ALDH3B1: variants seen among roughly 807,000 people sequenced by gnomAD.
ALDH3B1 encodes the protein aldehyde dehydrogenase family 3 member B1.
In ALDH3B1, 37 loss-of-function variants were observed where a neutral mutation model predicts 46.2. The observed-to-expected ratio is 0.80, with a 90% CI of 0.62 to 1.05. The LOEUF (loss-of-function observed/expected upper bound fraction) is 1.05, where lower values mean the gene tolerates loss of function less well. ALDH3B1 is among the 50% of genes least tolerant of loss of function. ALDH3B1 has a pLI of 0.00. For missense variants in ALDH3B1, 603 were observed against 665.5 expected (o/e 0.91, Z 1.03); for synonymous variants, 283 against 281.0 (o/e 1.01, Z -0.07).
At chr11:68,018,155 C>T (rs898015993) in intron 2 of ALDH3B1, 22 of 218,180 alleles carry the variant, frequency 1.0e-4, no homozygotes, top group Non-Finnish European at 3.7e-5. Flanking sequence ...AAACAGCACA[C>T]ACACACATGC....
At position 68,015,329 on chromosome 11, in the gene ALDH3B1, T is replaced by A; in HGVS notation, c.32T>A (p.Leu11Gln). The change falls in exon 2 of 10, where the codon CTG (leucine) becomes CAG (glutamine). Residue 11 changes from leucine (L) to glutamine (Q), a missense_variant. By Grantham distance (113) the Leu-to-Gln change is moderately radical. Coordinates refer to ENST00000342456, the MANE Select transcript of ALDH3B1 (RefSeq NM_000694.4). ...CCCCTTGGGGACACGCTGCGGCGAC[T>A]GCGGGAGGCCTTCCACGCGGGGCGC... is the stretch of plus-strand genomic sequence containing the variant. MDPLGDTLRR[L>Q]REAFHAGRTR... is the part of the protein sequence containing the mutation. The A allele has an allele frequency of 6.6e-7, 1 of 1,521,496 alleles. No homozygotes were observed. The highest frequency in any genetic ancestry group is 1.2e-5 in the South Asian group (1 of 80,154). The allele number at this position is 1,521,496 out of a possible 1,614,324, so 94.2% of individuals were successfully genotyped here.
chr11:68,012,864 G>A (rs189369412), intron 1 of ALDH3B1, among the ~76,000 whole-genome samples: 1 of 152,298 alleles, frequency 6.6e-6, no homozygotes, highest in Admixed American at 6.5e-5. Flanking sequence ...GAGGAGCTGG[G>A]TGGTATCAGG....
At chr11:68,021,987 G>A (rs1857512855) in intron 7 of ALDH3B1, 116 bp downstream of exon 7, 2 of 1,485,434 alleles carry the variant, frequency 1.3e-6, no homozygotes, top group East Asian at 2.3e-5. Context: ...CACTGCCAGA[G>A]CCCGGCCTTG....
intron 8 of ALDH3B1, among the ~76,000 whole-genome samples, chr11:68,023,156 C>A (rs188899307): frequency 1.1e-3 from 168 of 152,326 alleles, no homozygotes; most frequent in African/African-American, 3.7e-3. Flanking sequence ...GCCCTGATCC[C>A]CTACCCCTGC....
chr11:68,015,845 C>T (rs1857340394), intron 2 of ALDH3B1: 2 of 358,990 alleles, frequency 5.6e-6, no homozygotes, highest in Non-Finnish European at 1.1e-5. Context: ...GTGGGCGGAT[C>T]GCTTGAGGCC....
chr11:68,010,926 G>A (rs983366861), intron 1 of ALDH3B1, among the ~76,000 whole-genome samples: 1 of 152,234 alleles, frequency 6.6e-6, no homozygotes, highest in Non-Finnish European at 1.5e-5. Context: ...CCCGCCTGCA[G>A]GAGGCACTTC....
At chr11:68,011,026 G>A (rs530941042) in intron 1 of ALDH3B1, among the ~76,000 whole-genome samples, 6 of 152,338 alleles carry the variant, frequency 3.9e-5, no homozygotes, top group Admixed American at 3.9e-4. Context: ...ACCAATGAGG[G>A]GATACGCTGG....
chr11:68,019,042 C>A, intron 4 of ALDH3B1, 128 bp from the exon 5 acceptor site: 1 of 1,442,410 alleles, frequency 6.9e-7, no homozygotes. Context: ...GCCCTGGGCC[C>A]GTCATGTTAC....
intron 8 of ALDH3B1, among the ~76,000 whole-genome samples, chr11:68,023,983 A>G: frequency 6.6e-6 from 1 of 152,040 alleles, no homozygotes; most frequent in African/African-American, 2.4e-5. Context: ...AAAAAAAAAA[A>G]AAGTGACAGC....
chr11:68,024,825 C>T (rs550059669), intron 8 of ALDH3B1: 15 of 152,260 alleles, frequency 9.9e-5, no homozygotes, highest in Admixed American at 3.9e-4. Context: ...TCACTACGGA[C>T]TCAGGTATAT....
chr11:68,022,359 G>A (rs1030234099), intron 7 of ALDH3B1, among the ~76,000 whole-genome samples: 4 of 152,228 alleles, frequency 2.6e-5, no homozygotes, highest in Non-Finnish European at 5.9e-5. Context: ...GACCAAGGTC[G>A]GGGGATTCTC....
At chr11:68,023,836 G>A (rs1235277641) in intron 8 of ALDH3B1, among the ~76,000 whole-genome samples, 1 of 151,832 alleles carries the variant, frequency 6.6e-6, no homozygotes, top group African/African-American at 2.4e-5. Context: ...GAGCTCATGA[G>A]TTTGAGACCA....
Position 68,029,221 on chromosome 11 carries a change from T to C in ALDH3B1, c.*1282T>C, listed in dbSNP as rs1479297200. The C allele has an allele frequency of 2.0e-5, 3 of 152,238 alleles. No homozygotes were observed. Among genetic ancestry groups the C allele is most frequent in the Admixed American group, 2.0e-4 (3 of 15,288 alleles). 9.4% of individuals were successfully genotyped at this position (152,238 alleles called of 1,614,324 possible). Reference sequence around the variant, plus strand: ...AAGAGGGACAGGGGTGGACCTGAGTTTCGTCTCCTGTCTCTCTGGCTGATG... The same window carrying C: ...AAGAGGGACAGGGGTGGACCTGAGTCTCGTCTCCTGTCTCTCTGGCTGATG... On this transcript the variant is annotated 3_prime_UTR_variant, in exon 10 of 10. Transcript: ENST00000342456.
chr11:68,021,095 C>T (rs1345973263), intron 6 of ALDH3B1, among the ~76,000 whole-genome samples: 1 of 152,174 alleles, frequency 6.6e-6, no homozygotes, highest in East Asian at 1.9e-4. Context: ...TGGACTCCAT[C>T]CTTGGGTGAT....
At position 68,028,676 on chromosome 11, in the gene ALDH3B1, TA is replaced by T. The variant is rs10557779; in HGVS notation, c.*757del. The T allele has an allele frequency of 0.25, 32,701 of 128,696 alleles. 5,189 individuals are homozygous for T. The highest frequency in any genetic ancestry group is 0.48 in the African/African-American group (16,217 of 33,658). The allele number at this position is 128,696 out of a possible 1,614,324, so 8.0% of individuals were successfully genotyped here. On this transcript the variant is annotated 3_prime_UTR_variant, in exon 10 of 10. Coordinates refer to ENST00000342456, the MANE Select transcript of ALDH3B1 (RefSeq NM_000694.4). Reference sequence around the variant, plus strand: ...TGGGTGACAGAAGGAGGCTCTGCCTTAAAAAAAAAAAAAAAAAAAACCTCCT... The same window carrying T: ...TGGGTGACAGAAGGAGGCTCTGCCTTAAAAAAAAAAAAAAAAAAACCTCCT...
chr11:68,011,625 A>T (rs777698274), intron 1 of ALDH3B1, among the ~76,000 whole-genome samples: 1 of 152,182 alleles, frequency 6.6e-6, no homozygotes, highest in Non-Finnish European at 1.5e-5. Context: ...GGTCCCCTGA[A>T]GTTGGCCTAG....
intron 9 of ALDH3B1, 82 bp downstream of exon 9, chr11:68,026,190 C>T (rs929612245): frequency 1.3e-4 from 159 of 1,208,318 alleles, no homozygotes; most frequent in African/African-American, 2.8e-4. Flanking sequence ...TGCCAAAGCA[C>T]CCCAGCCCCA....
intron 2 of ALDH3B1, chr11:68,015,834 G>A: frequency 5.4e-6 from 2 of 367,550 alleles, no homozygotes; most frequent in South Asian, 2.0e-5. Context: ...GGGAGGCCGA[G>A]GTGGGCGGAT....
intron 8 of ALDH3B1, 66 bp downstream of exon 8, chr11:68,022,827 G>A (rs1345753513): frequency 2.5e-6 from 4 of 1,583,526 alleles, no homozygotes; most frequent in African/African-American, 2.7e-5. Context: ...GGTGGCAGCA[G>A]GGGGGGCACC....
Sources: gnomAD v4.1 joint callset for allele counts (sites outside exome capture counted in the v4.1 genomes callset) on GRCh38, gnomAD v4.1.1 for gene constraint, MANE v1.5 for transcripts, NCBI Gene and HGNC (gene_info 2026-07-23, HGNC 2026-07-21) for gene names.